SLC41A3: variants seen among roughly 807,000 people sequenced by gnomAD.
SLC41A3 encodes the protein SLC41A1-like 2.
SLC41A3 carries 44 observed loss-of-function variants against 45.4 expected under a neutral mutation model. The observed-to-expected ratio is 0.97, with a 90% CI of 0.76 to 1.25. The LOEUF is 1.25. Ranked by LOEUF, SLC41A3 falls within the 50% of genes most tolerant of loss-of-function variation. SLC41A3 has a pLI of 0.00. For missense variants in SLC41A3, 550 were observed against 600.6 expected, an observed-to-expected ratio of 0.92 and a Z score of 0.88; for synonymous variants, 256 against 252.4, an observed-to-expected ratio of 1.01 and a Z score of -0.13.
intron 2 of SLC41A3, chr3:126,056,867 G>A: frequency 8.5e-7 from 1 of 1,179,138 alleles, no homozygotes; most frequent in Non-Finnish European, 1.1e-6. Flanking sequence ...ACCTCCCTCT[G>A]CCAGTCTGCC....
At chr3:126,058,118 C>A (rs995457897) in intron 2 of SLC41A3, 2 of 152,302 alleles carry the variant, frequency 1.3e-5, no homozygotes, top group African/African-American at 4.8e-5. Flanking sequence ...CATGAGTGGG[C>A]CGTCTTGGGC....
intron 2 of SLC41A3, among the ~76,000 whole-genome samples, chr3:126,057,668 G>A (rs751949019): frequency 1.3e-5 from 2 of 152,226 alleles, no homozygotes; most frequent in Non-Finnish European, 2.9e-5. Flanking sequence ...GCCCTCCCCA[G>A]TGTGGATCCT....
intron 5 of SLC41A3, 134 bp from the exon 6 acceptor site, chr3:126,023,066 G>A: frequency 8.1e-7 from 1 of 1,232,300 alleles, no homozygotes; most frequent in African/African-American, 1.5e-5. Context: ...TCATTAACTT[G>A]CCTCCCTCCA....
chr3:126,050,720 C>T (rs1222837850), intron 3 of SLC41A3, among the ~76,000 whole-genome samples: 1 of 152,056 alleles, frequency 6.6e-6, no homozygotes, highest in Non-Finnish European at 1.5e-5. Flanking sequence ...GGAACAGGGG[C>T]AAACAGGGTT....
At chr3:126,034,098 T>A (rs765139167) in intron 3 of SLC41A3, among the ~76,000 whole-genome samples, 32 of 152,196 alleles carry the variant, frequency 2.1e-4, no homozygotes, top group Non-Finnish European at 3.5e-4. Context: ...AGTCAAGGCC[T>A]CCTACTGTGA....
chr3:126,011,778 CAA>C (rs1020535698), intron 9 of SLC41A3, among the ~76,000 whole-genome samples: 1 of 152,206 alleles, frequency 6.6e-6, no homozygotes, highest in African/African-American at 2.4e-5. Flanking sequence ...GCACATTTTT[CAA>C]GTGTTTGAAA....
chr3:126,075,453 TCTCC>T (rs1197741645), intron 1 of SLC41A3, among the ~76,000 whole-genome samples: 3 of 151,624 alleles, frequency 2.0e-5, no homozygotes, highest in Non-Finnish European at 4.4e-5. Flanking sequence ...TTTTTTTCTT[TCTCC>T]CTCCCTCCCT....
In SLC41A3 at chr3:126,067,687, T is replaced by C. The variant is rs1944420446; in HGVS notation, c.273+260A>G. On this transcript the variant is annotated intron_variant, in intron 2 of 10. Transcript: ENST00000360370. Reference sequence around the variant, plus strand: ...CACAGTTGTTAAACTTCAAAGTACATCAGAAGGGAAATGATTAAGTAAATT... The same window carrying C: ...CACAGTTGTTAAACTTCAAAGTACACCAGAAGGGAAATGATTAAGTAAATT... 7.3e-6 allele frequency: 4 copies of C among 546,456 alleles called. No homozygotes were observed. The South Asian group carries it at 7.8e-5, about 11-fold the overall frequency. 33.9% of individuals were successfully genotyped at this position (546,456 alleles called of 1,614,324 possible).
rs144444794 is a variant in SLC41A3 at position 126,017,537 on chromosome 3, C to A, written c.746-662G>T. Among the ~76,000 whole-genome samples the A allele has an allele frequency of 7.6e-3, 1,150 of 152,310 alleles. 12 individuals are homozygous for A. The highest frequency in any genetic ancestry group is 0.013 in the Non-Finnish European group (874 of 68,028). On this transcript the variant is annotated intron_variant, in intron 6 of 10. Transcript: ENST00000360370. ...CACTGCTGCGGGGGCCCAGGACAAG[C>A]CTGACACACTCGGGCATCTCGTGCA...
chr3:126,049,071 C>T (rs749232676), intron 3 of SLC41A3, among the ~76,000 whole-genome samples: 13 of 152,142 alleles, frequency 8.5e-5, no homozygotes, highest in African/African-American at 2.9e-4. Flanking sequence ...GAGGCCAAGG[C>T]GGGTGGATCA....
chr3:126,076,380 A>G (rs180987990), intron 1 of SLC41A3, among the ~76,000 whole-genome samples: 2 of 152,312 alleles, frequency 1.3e-5, no homozygotes, highest in East Asian at 1.9e-4. Context: ...TTACATGGAC[A>G]TATCATATTT....
chr3:126,030,285 TTA>T (rs147574354), intron 4 of SLC41A3, among the ~76,000 whole-genome samples: 48,837 of 146,508 alleles, frequency 0.33, 8,300 homozygotes, highest in Middle Eastern at 0.44. Flanking sequence ...TAATATATAA[TTA>T]TATATATATT....
At chr3:126,040,482 A>G (rs867833403) in intron 3 of SLC41A3, among the ~76,000 whole-genome samples, 2 of 152,312 alleles carry the variant, frequency 1.3e-5, no homozygotes, top group Middle Eastern at 3.4e-3. Flanking sequence ...AGTCCTGGGG[A>G]TAATGCGAGC....
chr3:126,087,685 A>G (rs1011997967), upstream of SLC41A3, among the ~76,000 whole-genome samples: 1 of 152,044 alleles, frequency 6.6e-6, no homozygotes, highest in Non-Finnish European at 1.5e-5. Flanking sequence ...TTGTCCTAAA[A>G]TAAAATGACT....
At chr3:126,061,038 C>G (rs1461618231) in intron 2 of SLC41A3, among the ~76,000 whole-genome samples, 1 of 152,174 alleles carries the variant, frequency 6.6e-6, no homozygotes, top group African/African-American at 2.4e-5. Flanking sequence ...AGGGGAGGGT[C>G]CACAGAGTGT....
At chr3:126,072,667 G>A (rs1402430755) in intron 1 of SLC41A3, among the ~76,000 whole-genome samples, 1 of 152,214 alleles carries the variant, frequency 6.6e-6, no homozygotes, top group Non-Finnish European at 1.5e-5. Context: ...TACACTGCTT[G>A]TGGGAATGTA....
At chr3:126,023,036 G>T in intron 5 of SLC41A3, 104 bp from the exon 6 acceptor site, 2 of 1,463,684 alleles carry the variant, frequency 1.4e-6, no homozygotes, top group Non-Finnish European at 9.3e-7. Flanking sequence ...GTAGGGACTG[G>T]CAGGTGGCAG....
At chr3:126,057,728 C>T (rs1343628398) in intron 2 of SLC41A3, among the ~76,000 whole-genome samples, 1 of 152,238 alleles carries the variant, frequency 6.6e-6, no homozygotes, top group Non-Finnish European at 1.5e-5. Flanking sequence ...ACGAATTTCT[C>T]CAGCACCTGT....
chr3:126,066,963 C>G, intron 2 of SLC41A3, among the ~76,000 whole-genome samples: 1 of 152,198 alleles, frequency 6.6e-6, no homozygotes, highest in East Asian at 1.9e-4. Context: ...TGAATTTCGC[C>G]GGCGTATGGG....
Sources: gnomAD v4.1 joint callset for allele counts (sites outside exome capture counted in the v4.1 genomes callset) on GRCh38, gnomAD v4.1.1 for gene constraint, MANE v1.5 for transcripts, NCBI Gene and HGNC (gene_info 2026-07-23, HGNC 2026-07-21) for gene names.